Variants in DSCAM observed in about 807,000 individuals in gnomAD.
DSCAM encodes cell adhesion molecule DSCAM.
A neutral mutation model predicts 217.7 loss-of-function variants in DSCAM; 47 were observed. The ratio of observed to expected loss-of-function variants is 0.22; its 90% confidence interval spans 0.17 to 0.28. DSCAM has a LOEUF of 0.28. DSCAM is among the 10% of genes least tolerant of loss of function. The pLI is 1.00. For synonymous variants in DSCAM, 1,056 were observed against 1,015.3 expected, an observed-to-expected ratio of 1.04 and a Z score of -0.76; for missense variants, 2,080 against 2,618.3, an observed-to-expected ratio of 0.79 and a Z score of 4.49.
chr21:40,436,411 A>G (rs1878053566), intron 3 of DSCAM, among the ~76,000 whole-genome samples: 1 of 152,204 alleles, frequency 6.6e-6, no homozygotes, highest in Non-Finnish European at 1.5e-5. Flanking sequence ...ACTTCTCAAA[A>G]CAAGGCTGAG....
chr21:40,661,763 T>C (rs929588121), intron 3 of DSCAM, among the ~76,000 whole-genome samples: 2 of 152,166 alleles, frequency 1.3e-5, no homozygotes, highest in Admixed American at 1.3e-4. Flanking sequence ...CTCTCTTTTG[T>C]AAGCAGGATG....
chr21:40,285,288 C>G (rs974332791), intron 10 of DSCAM, among the ~76,000 whole-genome samples: 5 of 152,196 alleles, frequency 3.3e-5, no homozygotes, highest in Non-Finnish European at 5.9e-5. Flanking sequence ...AAGAGCCCCC[C>G]AAACATTTGT....
intron 11 of DSCAM, among the ~76,000 whole-genome samples, chr21:40,227,019 G>A (rs546259255): frequency 6.6e-5 from 10 of 152,138 alleles, no homozygotes; most frequent in East Asian, 3.9e-4. Context: ...CTGTCCCTCC[G>A]TTAGTTTGCT....
intron 3 of DSCAM, among the ~76,000 whole-genome samples, chr21:40,507,516 T>C (rs919057795): frequency 6.6e-5 from 10 of 152,130 alleles, no homozygotes; most frequent in Non-Finnish European, 8.8e-5. Flanking sequence ...TACAGCTGGA[T>C]GTGGTGACTC....
At chr21:40,629,798 G>GA (rs1367899639) in intron 3 of DSCAM, among the ~76,000 whole-genome samples, 1 of 152,122 alleles carries the variant, frequency 6.6e-6, no homozygotes, top group Non-Finnish European at 1.5e-5. Flanking sequence ...ACTTCCATGA[G>GA]AAAAGGAGAC....
At chr21:40,453,307 T>C (rs1451968303) in intron 3 of DSCAM, among the ~76,000 whole-genome samples, 3 of 152,122 alleles carry the variant, frequency 2.0e-5, no homozygotes, top group Non-Finnish European at 4.4e-5. Context: ...GAAAAAGCAA[T>C]GCACAGTCCT....
intron 1 of DSCAM, among the ~76,000 whole-genome samples, chr21:40,834,531 C>A (rs2092041412): frequency 6.6e-6 from 1 of 151,440 alleles, no homozygotes; most frequent in Non-Finnish European, 1.5e-5. Flanking sequence ...TTACAATAAC[C>A]CATAATGCCT....
At chr21:40,620,003 G>A (rs1283831135) in intron 3 of DSCAM, among the ~76,000 whole-genome samples, 124 of 103,792 alleles carry the variant, frequency 1.2e-3, no homozygotes, top group Non-Finnish European at 1.6e-3. Context: ...GAGAGAAAGA[G>A]AGAGAAAAAA....
At chr21:40,368,497 T>C (rs2074858192) in intron 4 of DSCAM, among the ~76,000 whole-genome samples, 1 of 152,238 alleles carries the variant, frequency 6.6e-6, no homozygotes, top group Non-Finnish European at 1.5e-5. Context: ...ATTTTGAAGA[T>C]GTAAGTGATG....
At chr21:40,204,868 T>C (rs78756431) in intron 11 of DSCAM, among the ~76,000 whole-genome samples, 1 of 152,220 alleles carries the variant, frequency 6.6e-6, no homozygotes, top group African/African-American at 2.4e-5. Context: ...CAGTGCTTTT[T>C]CCTGCTTTGT....
intron 3 of DSCAM, among the ~76,000 whole-genome samples, chr21:40,614,926 TATAA>T (rs1229717220): frequency 6.6e-6 from 1 of 151,954 alleles, no homozygotes; most frequent in Non-Finnish European, 1.5e-5. Context: ...ATGCCACATG[TATAA>T]ATATATATTT....
chr21:40,034,030 A>C (rs1352316663), intron 32 of DSCAM, among the ~76,000 whole-genome samples: 1 of 43,326 alleles, frequency 2.3e-5, no homozygotes, highest in Non-Finnish European at 4.7e-5. Flanking sequence ...CCATCTGTAC[A>C]TCACCATCAT....
intron 3 of DSCAM, among the ~76,000 whole-genome samples, chr21:40,533,701 C>T (rs907866762): frequency 4.0e-5 from 6 of 151,170 alleles, no homozygotes; most frequent in Non-Finnish European, 7.4e-5. Context: ...ATCCATTCAT[C>T]CATCCATCCA....
At chr21:40,522,619 C>A (rs2076367818) in intron 3 of DSCAM, among the ~76,000 whole-genome samples, 1 of 152,112 alleles carries the variant, frequency 6.6e-6, no homozygotes, top group African/African-American at 2.4e-5. Context: ...ATGCAGGATA[C>A]ATATTTTTTT....
intron 3 of DSCAM, among the ~76,000 whole-genome samples, chr21:40,402,672 ATTTG>A (rs1488872047): frequency 7.0e-6 from 1 of 143,444 alleles, no homozygotes; most frequent in Non-Finnish European, 1.5e-5. Context: ...TGTCTTTTTT[ATTTG>A]TTTTTTTTTT....
intron 10 of DSCAM, among the ~76,000 whole-genome samples, chr21:40,279,990 T>C (rs1207183618): frequency 2.0e-5 from 3 of 151,964 alleles, no homozygotes; most frequent in Non-Finnish European, 4.4e-5. Flanking sequence ...AGTAAGAGCA[T>C]TAGGACAAAT....
intron 11 of DSCAM, among the ~76,000 whole-genome samples, chr21:40,191,797 T>C (rs1392337258): frequency 6.6e-6 from 1 of 152,196 alleles, no homozygotes. Context: ...AGGCATTCCT[T>C]GGCTTGTGGC....
chr21:40,292,118 A>C (rs1336073861), intron 10 of DSCAM, among the ~76,000 whole-genome samples: 1 of 152,130 alleles, frequency 6.6e-6, no homozygotes, highest in Non-Finnish European at 1.5e-5. Flanking sequence ...GTAAATAAAT[A>C]AATCAAAAAA....
At chr21:40,413,849 T>C (rs1190591183) in intron 3 of DSCAM, among the ~76,000 whole-genome samples, 1 of 151,956 alleles carries the variant, frequency 6.6e-6, no homozygotes, top group Non-Finnish European at 1.5e-5. Context: ...GGTAATTCAA[T>C]GGAGAAAGAA....
Sources: allele counts gnomAD v4.1 joint callset (sites outside exome capture counted in the v4.1 genomes callset), GRCh38; gene constraint gnomAD v4.1.1; transcripts MANE v1.5; gene names NCBI Gene and HGNC (gene_info 2026-07-23, HGNC 2026-07-21).